Variants in AMOTL1 observed in about 807,000 individuals in gnomAD.
AMOTL1 encodes angiomotin-like protein 1.
AMOTL1 carries 45 observed loss-of-function variants against 102.9 expected under a neutral mutation model. The observed-to-expected ratio is 0.44, with a 90% CI of 0.34 to 0.56. The LOEUF (loss-of-function observed/expected upper bound fraction) is 0.56. AMOTL1 is among the 20% of genes least tolerant of loss of function. The pLI is 0.01. For missense variants in AMOTL1, 1,114 were observed against 1,225.6 expected, an observed-to-expected ratio of 0.91 and a Z score of 1.36; for synonymous variants, 481 against 484.7, an observed-to-expected ratio of 0.99 and a Z score of 0.10.
intron 9 of AMOTL1, among the ~76,000 whole-genome samples, chr11:94,863,994 C>T (rs1359199944): frequency 2.0e-5 from 3 of 152,142 alleles, no homozygotes; most frequent in South Asian, 2.1e-4. Context: ...TCCTGACCTG[C>T]ATCCCAGGCA....
intron 1 of AMOTL1, among the ~76,000 whole-genome samples, chr11:94,708,185 C>T (rs1247691286): frequency 1.3e-5 from 2 of 152,216 alleles, no homozygotes; most frequent in African/African-American, 4.8e-5. Flanking sequence ...CACTCCACTC[C>T]TAGTATAAGA....
intron 6 of AMOTL1, among the ~76,000 whole-genome samples, chr11:94,834,705 G>C (rs1952138575): frequency 6.6e-6 from 1 of 152,168 alleles, no homozygotes; most frequent in South Asian, 2.1e-4. Context: ...GAGAAGTAGA[G>C]AATAACATGC....
chr11:94,735,779 G>A (rs1314581907), intron 2 of AMOTL1, among the ~76,000 whole-genome samples: 2 of 152,162 alleles, frequency 1.3e-5, no homozygotes, highest in Admixed American at 1.3e-4. Context: ...GAGAGGACAG[G>A]AAAGGAGACT....
chr11:94,728,562 T>C (rs1950296948), intron 1 of AMOTL1, among the ~76,000 whole-genome samples: 1 of 152,194 alleles, frequency 6.6e-6, no homozygotes, highest in Non-Finnish European at 1.5e-5. Flanking sequence ...TTTTAGTCAT[T>C]TTTTAGGCAA....
chr11:94,826,789 A>T lies in AMOTL1; in HGVS notation c.1414-3261A>T, dbSNP rs541883096. 3.2e-4 allele frequency among the ~76,000 whole-genome samples: 49 copies of T among 152,238 alleles called. 2 individuals are homozygous for T. The South Asian group carries it at 0.01, about 32-fold the overall frequency. On this transcript the variant is annotated intron_variant, in intron 4 of 12. Coordinates refer to ENST00000433060, the MANE Select transcript of AMOTL1 (RefSeq NM_130847.3). ...ACATGAGTTTTGGTGGGGACAAACC[A>T]TATCCATAGCATGCACTGAAGGGGA...
In AMOTL1 at chr11:94,800,294, T is replaced by G. The variant is rs1274751324; in HGVS notation, c.1104T>G (p.Pro368=). Residue 368 remains proline (P), a synonymous_variant, in exon 3 of 13, where the codon CCT becomes CCG. Transcript: ENST00000433060. The stretch of plus-strand genomic sequence containing the variant: ...CCGTCCTGCGGTACCAGCCACCCCC[T>G]GAGTATGGGGTAACGAGGTGATTAT... ...DVAVLRYQPP[P]EYGVTSRPCQ... is the part of the protein sequence containing the mutation. The G allele has an allele frequency of 4.4e-6, 7 of 1,608,028 alleles. No homozygotes were observed. In the South Asian group the frequency reaches 4.4e-5, roughly 10 times the overall value.
At chr11:94,869,744 G>C (rs1952957822) in intron 12 of AMOTL1, among the ~76,000 whole-genome samples, 1 of 152,200 alleles carries the variant, frequency 6.6e-6, no homozygotes, top group Non-Finnish European at 1.5e-5. Context: ...TTCCCCGGAT[G>C]GAGTGACAAC....
At chr11:94,729,872 A>C (rs779735973) in intron 2 of AMOTL1, among the ~76,000 whole-genome samples, 3 of 152,198 alleles carry the variant, frequency 2.0e-5, no homozygotes, top group African/African-American at 4.8e-5. Context: ...ATAGACATAG[A>C]GAACAACAGA....
At chr11:94,855,282 G>T (rs1031785794) in intron 8 of AMOTL1, among the ~76,000 whole-genome samples, 1 of 152,230 alleles carries the variant, frequency 6.6e-6, no homozygotes, top group Non-Finnish European at 1.5e-5. Flanking sequence ...GGAGAAGGAG[G>T]TGTTAGTGAG....
In AMOTL1 at chr11:94,821,620, T is replaced by G. The variant is rs776330526; in HGVS notation, c.1212T>G (p.Ser404=). ...CTTCCGCCAGCGGGCCACTGCACTCTGTCTCCCTGCCGCTTCCACTCCCGA... is the reference window on the plus strand; with the variant it reads ...CTTCCGCCAGCGGGCCACTGCACTCGGTCTCCCTGCCGCTTCCACTCCCGA... ...QTSSASGPLH[S]VSLPLPLPMA... The change falls in exon 4 of 13, where the codon TCT becomes TCG. Residue 404 remains serine, a synonymous_variant. Transcript: ENST00000433060. The G allele has an allele frequency of 6.8e-6, 11 of 1,613,880 alleles. No individual in the cohort carries two copies. Among genetic ancestry groups the G allele is most frequent in the Non-Finnish European group, 9.3e-6 (11 of 1,179,862 alleles).
chr11:94,852,933 A>G (rs1420350200), intron 7 of AMOTL1, among the ~76,000 whole-genome samples: 1 of 152,234 alleles, frequency 6.6e-6, no homozygotes, highest in African/African-American at 2.4e-5. Context: ...GAAAAAATAT[A>G]GAAAAGAATA....
intron 1 of AMOTL1, among the ~76,000 whole-genome samples, chr11:94,781,856 G>GA (rs1162069567): frequency 6.6e-6 from 1 of 150,646 alleles, no homozygotes; most frequent in Non-Finnish European, 1.5e-5. Context: ...AAAAAAAAAA[G>GA]AAAAAAACTA....
intron 4 of AMOTL1, among the ~76,000 whole-genome samples, chr11:94,822,738 A>T (rs188613122): frequency 6.6e-6 from 1 of 152,302 alleles, no homozygotes; most frequent in East Asian, 1.9e-4. Flanking sequence ...TAAATAGGGG[A>T]ACGTCCAGCA....
At chr11:94,707,914 C>G (rs369397499) in intron 1 of AMOTL1, among the ~76,000 whole-genome samples, 1 of 152,146 alleles carries the variant, frequency 6.6e-6, no homozygotes, top group East Asian at 1.9e-4. Flanking sequence ...TCAATTTTTT[C>G]TAGGAATACA....
At chr11:94,748,908 C>T (rs1297467697) in intron 3 of AMOTL1, among the ~76,000 whole-genome samples, 1 of 152,196 alleles carries the variant, frequency 6.6e-6, no homozygotes, top group Non-Finnish European at 1.5e-5. Flanking sequence ...TTCTGCTGCA[C>T]ATAACTATAG....
rs758459404 is a variant in AMOTL1, at chr11:94,821,486, A to G, written c.1122-44A>G. The G allele has an allele frequency of 1.7e-5, 27 of 1,581,950 alleles. No individual in the cohort carries two copies. In the South Asian group the frequency reaches 2.9e-4, roughly 17 times the overall value. Reference sequence around the variant, plus strand: ...TTGTTGGGGCTTCCTTCCTGCTCCCACCATTTCCCCAGGCTCTAACTGCTG... The same window carrying G: ...TTGTTGGGGCTTCCTTCCTGCTCCCGCCATTTCCCCAGGCTCTAACTGCTG... On this transcript the variant is annotated intron_variant, in intron 3 of 12. Transcript: ENST00000433060.
chr11:94,729,863 T>C (rs1295347141), intron 2 of AMOTL1, among the ~76,000 whole-genome samples: 3 of 152,152 alleles, frequency 2.0e-5, no homozygotes, highest in Non-Finnish European at 4.4e-5. Context: ...GAGAGCAAGA[T>C]AGACATAGAG....
chr11:94,761,209 G>A (rs189286476), intron 3 of AMOTL1, among the ~76,000 whole-genome samples: 1 of 136,462 alleles, frequency 7.3e-6, no homozygotes. Flanking sequence ...TTTTTTTTTA[G>A]ACAGAGTCTT....
intron 3 of AMOTL1, among the ~76,000 whole-genome samples, chr11:94,756,077 G>A (rs1950720731): frequency 6.6e-6 from 1 of 152,178 alleles, no homozygotes; most frequent in African/African-American, 2.4e-5. Context: ...CTGCTCAGCA[G>A]CCAGACTCTC....
Sources: gnomAD v4.1 joint callset for allele counts (sites outside exome capture counted in the v4.1 genomes callset) on GRCh38, gnomAD v4.1.1 for gene constraint, MANE v1.5 for transcripts, NCBI Gene and HGNC (gene_info 2026-07-23, HGNC 2026-07-21) for gene names.